The following SLC12A2 variants were observed in gnomAD, a reference collection of about 807,000 sequenced individuals.
SLC12A2 encodes Na-K-2Cl cotransporter 1.
Under a neutral mutation model 136.3 loss-of-function variants are expected in SLC12A2, and 67 were observed. That is an observed-to-expected ratio of 0.49 (90% CI 0.40 to 0.60). SLC12A2 has a LOEUF of 0.60. SLC12A2 is among the 20% of genes least tolerant of loss of function. The pLI, the probability that SLC12A2 is intolerant of heterozygous loss-of-function variation, is 0.00. For synonymous variants in SLC12A2, 619 were observed against 562.9 expected, an observed-to-expected ratio of 1.10 and a Z score of -1.41; for missense variants, 1,322 against 1,534.7, an observed-to-expected ratio of 0.86 and a Z score of 2.32.
chr5:128,086,217 A>G (rs1009544194), intron 1 of SLC12A2, among the ~76,000 whole-genome samples: 4 of 152,236 alleles, frequency 2.6e-5, no homozygotes, highest in Admixed American at 2.0e-4. Flanking sequence ...TGTTGAGCTT[A>G]TATGCTTCCT....
chr5:128,137,157 T>C (rs1031894154), intron 7 of SLC12A2, among the ~76,000 whole-genome samples: 4 of 152,212 alleles, frequency 2.6e-5, no homozygotes, highest in Non-Finnish European at 5.9e-5. Context: ...ATGACCCTAC[T>C]TTGGTTTTCC....
chr5:128,103,049 C>A (rs149788187), intron 1 of SLC12A2, among the ~76,000 whole-genome samples: 2 of 152,094 alleles, frequency 1.3e-5, no homozygotes, highest in Non-Finnish European at 2.9e-5. Context: ...CTGATATGAA[C>A]GTTTTTATAC....
rs1360759745 is a variant in SLC12A2 at position 128,189,121 on chromosome 5, C to CTG, written c.*2491_*2492insGT. On this transcript the variant is annotated 3_prime_UTR_variant, in exon 27 of 27. Transcript: ENST00000262461. ...ACTTAAAAAAAATGCATTACTTTCA[C>CTG]TTAACACTAGACACCAGGTCGAAAA... 1 of 152,200 alleles carries CTG rather than the reference C, an allele frequency of 6.6e-6. No homozygotes were observed. Among genetic ancestry groups the CTG allele is most frequent in the African/African-American group, 2.4e-5 (1 of 41,420 alleles). 9.4% of individuals were successfully genotyped at this position (152,200 alleles called of 1,614,324 possible). A position where few individuals can be genotyped will look rare whatever the true frequency, so the allele number is the denominator to read the frequency against.
At chr5:128,161,231 C>G (rs964608136) in intron 16 of SLC12A2, among the ~76,000 whole-genome samples, 1 of 152,086 alleles carries the variant, frequency 6.6e-6, no homozygotes, top group African/African-American at 2.4e-5. Context: ...TATTTTATAG[C>G]TCACTTTGAT....
Position 128,084,680 on chromosome 5 carries a change from C to A in SLC12A2, c.726C>A (p.Ser242Arg). 1 of 1,607,490 alleles carries A rather than the reference C, an allele frequency of 6.2e-7. No homozygotes were observed. The highest frequency in any genetic ancestry group is 8.5e-7 in the Non-Finnish European group (1 of 1,176,484). Residue 242 changes from serine (S) to arginine (R), a missense_variant, in exon 1 of 27, where the codon AGC becomes AGA. This residue lies in a region of SLC12A2 where 32 missense variants were observed against 63.6 expected (regional missense o/e 0.50). Transcript: ENST00000262461. The surrounding 1 kb of genome is among the most constrained non-coding windows in gnomAD (Gnocchi z 5.6). ...TGGGCGAGAAGCTGCTCCGGCCTAGCCTGGCGGAGCTCCACGACGAGCTGG... is the reference window on the plus strand; with the variant it reads ...TGGGCGAGAAGCTGCTCCGGCCTAGACTGGCGGAGCTCCACGACGAGCTGG... Reference protein sequence around the residue: ...AQLGEKLLRPSLAELHDELEK... With the variant: ...AQLGEKLLRPRLAELHDELEK...
Position 128,134,176 on chromosome 5 carries a change from A to G in SLC12A2, c.1200A>G (p.Ile400Met), listed in dbSNP as rs1762112264. ...ATTCCTTTTTCTAGGAACATTCCAT[A>G]CTTATGATAGATGAAATCAATGATA... ...TVVELLKEHS[I>M]LMIDEINDIR... The change falls in exon 6 of 27, where the codon ATA becomes ATG. Residue 400 changes from isoleucine (I) to methionine (M), a missense_variant. Physicochemically the swap from Ile to Met is conservative, Grantham distance 10 (BLOSUM62 1). Coordinates refer to ENST00000262461, the MANE Select transcript of SLC12A2 (RefSeq NM_001046.3). 1.9e-6 allele frequency: 3 copies of G among 1,555,658 alleles called. No homozygotes were observed. The East Asian group carries it at 6.8e-5, about 35-fold the overall frequency.
intron 4 of SLC12A2, among the ~76,000 whole-genome samples, chr5:128,119,330 T>G (rs1206319721): frequency 6.6e-6 from 1 of 152,170 alleles, no homozygotes; most frequent in Non-Finnish European, 1.5e-5. Flanking sequence ...ATTCAAAGGT[T>G]GGGGAACATT....
intron 1 of SLC12A2, among the ~76,000 whole-genome samples, chr5:128,109,239 C>T (rs967629725): frequency 6.6e-6 from 1 of 152,216 alleles, no homozygotes; most frequent in Non-Finnish European, 1.5e-5. Context: ...AGGAGCAGCG[C>T]AGTTCTTGGC....
chr5:128,134,184 T>C lies in SLC12A2; in HGVS notation c.1208T>C (p.Ile403Thr), dbSNP rs142119166. The C allele has an allele frequency of 1.2e-5, 19 of 1,576,078 alleles. No individual in the cohort carries two copies. In the African/African-American group the frequency reaches 2.6e-4, roughly 21 times the overall value. Reference protein sequence around the residue: ...ELLKEHSILMIDEINDIRIIG... With the variant: ...ELLKEHSILMTDEINDIRIIG... ...TTCTAGGAACATTCCATACTTATGA[T>C]AGATGAAATCAATGATATCCGAATT... The change falls in exon 6 of 27, where the codon ATA becomes ACA. Residue 403 changes from isoleucine to threonine, a missense_variant. Physicochemically the swap from Ile to Thr is moderately conservative, Grantham distance 89. Around this residue, in one of 8 missense-constraint regions of SLC12A2, gnomAD observed 110 missense variants for 114.5 expected, o/e 0.96. Transcript: ENST00000262461.
At chr5:128,093,771 A>G (rs1760422572) in intron 1 of SLC12A2, among the ~76,000 whole-genome samples, 1 of 152,140 alleles carries the variant, frequency 6.6e-6, no homozygotes, top group African/African-American at 2.4e-5. Flanking sequence ...TGACTTTTGC[A>G]CCAACAAAGC....
chr5:128,140,954 A>G (rs1435204564), intron 9 of SLC12A2, among the ~76,000 whole-genome samples: 1 of 149,902 alleles, frequency 6.7e-6, no homozygotes, highest in African/African-American at 2.5e-5. Flanking sequence ...TGTTTATTCA[A>G]TTTTTGCTGT....
At chr5:128,094,916 T>A (rs1286017078) in intron 1 of SLC12A2, among the ~76,000 whole-genome samples, 2 of 152,176 alleles carry the variant, frequency 1.3e-5, no homozygotes, top group African/African-American at 4.8e-5. Context: ...TTTGGCTAGT[T>A]GTTATCATTG....
At chr5:128,110,023 C>A in intron 1 of SLC12A2, 1 of 1,070,876 alleles carries the variant, frequency 9.3e-7, no homozygotes, top group South Asian at 1.2e-5. Flanking sequence ...GTAGAAATCC[C>A]AAAAAGACTT....
In SLC12A2 at chr5:128,130,387, C is replaced by T. The variant is rs1303464961; in HGVS notation, c.1049-680C>T. On this transcript the variant is annotated intron_variant, in intron 4 of 26. Transcript: ENST00000262461. ...AAAATTAGCTGAGCCAGGTGGCGCACGCCTATAGTTCCAGCTACTCAGGAG... is the reference window on the plus strand; with the variant it reads ...AAAATTAGCTGAGCCAGGTGGCGCATGCCTATAGTTCCAGCTACTCAGGAG... 1.3e-4 allele frequency among the ~76,000 whole-genome samples: 20 copies of T among 151,948 alleles called. No homozygotes were observed. In the South Asian group the frequency reaches 1.5e-3, roughly 11 times the overall value.
intron 24 of SLC12A2, among the ~76,000 whole-genome samples, chr5:128,183,979 T>C (rs1690807193): frequency 6.6e-6 from 1 of 152,084 alleles, no homozygotes; most frequent in African/African-American, 2.4e-5. Flanking sequence ...TTCAGATTTT[T>C]TTTTAAATTT....
At chr5:128,137,821 T>C (rs1440699364) in intron 7 of SLC12A2, among the ~76,000 whole-genome samples, 1 of 152,106 alleles carries the variant, frequency 6.6e-6, no homozygotes, top group East Asian at 1.9e-4. Context: ...GCCTCAAAAA[T>C]CAATAGGTGA....
intron 14 of SLC12A2, 137 bp downstream of exon 14, chr5:128,151,533 T>C (rs1215299029): frequency 1.4e-6 from 1 of 731,786 alleles, no homozygotes; most frequent in East Asian, 3.3e-5. Flanking sequence ...AAACCTAAAA[T>C]ACTTTATTTC....
intron 9 of SLC12A2, among the ~76,000 whole-genome samples, chr5:128,139,932 C>G (rs939902491): frequency 6.6e-6 from 1 of 152,164 alleles, no homozygotes; most frequent in Non-Finnish European, 1.5e-5. Context: ...TGAAATTTCA[C>G]TACATGACAG....
chr5:128,102,974 A>G (rs936352047), intron 1 of SLC12A2, among the ~76,000 whole-genome samples: 1 of 152,022 alleles, frequency 6.6e-6, no homozygotes, highest in South Asian at 2.1e-4. Flanking sequence ...AATATTCTAC[A>G]GTTTCTTTAT....
Sources: allele counts gnomAD v4.1 joint callset (sites outside exome capture counted in the v4.1 genomes callset), GRCh38; gene constraint gnomAD v4.1.1; regional missense constraint gnomAD v4.1.1; non-coding constraint Gnocchi (gnomAD v3.1); transcripts MANE v1.5; gene names NCBI Gene and HGNC (gene_info 2026-07-23, HGNC 2026-07-21).